The following MTUS2 variants were observed in gnomAD, a reference collection of about 807,000 sequenced individuals.
MTUS2 encodes the protein microtubule associated scaffold protein 2.
In MTUS2, 40 loss-of-function variants were observed where a neutral mutation model predicts 114.1. The ratio of observed to expected loss-of-function variants is 0.35; its 90% CI spans 0.27 to 0.46. The LOEUF (loss-of-function observed/expected upper bound fraction) is 0.46. Ranked by LOEUF, MTUS2 falls within the 20% of genes least tolerant of loss-of-function variation. MTUS2 has a pLI of 1.00. For synonymous variants in MTUS2, 688 were observed against 672.0 expected (o/e 1.02, Z -0.37); for missense variants, 1,679 against 1,705.4 (o/e 0.98, Z 0.27).
chr13:28,998,538 C>G (rs957344091), intron 2 of MTUS2, among the ~76,000 whole-genome samples: 1 of 152,176 alleles, frequency 6.6e-6, no homozygotes, highest in African/African-American at 2.4e-5. Context: ...CAGTCAGACG[C>G]AGATTTGGTC....
At chr13:28,996,450 T>C (rs1391026447) in intron 2 of MTUS2, among the ~76,000 whole-genome samples, 3 of 152,228 alleles carry the variant, frequency 2.0e-5, no homozygotes, top group Non-Finnish European at 4.4e-5. Flanking sequence ...TTTCTATTGA[T>C]TGGAATAGTT....
intron 2 of MTUS2, among the ~76,000 whole-genome samples, chr13:29,006,826 C>T (rs1172976802): frequency 6.6e-6 from 1 of 152,186 alleles, no homozygotes; most frequent in Non-Finnish European, 1.5e-5. Flanking sequence ...ATCTGTGACT[C>T]TCTTCTGATG....
At chr13:28,964,712 G>C (rs1184153850) in intron 2 of MTUS2, among the ~76,000 whole-genome samples, 1 of 71,610 alleles carries the variant, frequency 1.4e-5, no homozygotes, top group Non-Finnish European at 3.3e-5. Flanking sequence ...GTTTCAGTCT[G>C]TCTGAGCTTT....
At chr13:29,384,142 A>G (rs7317357) in intron 8 of MTUS2, among the ~76,000 whole-genome samples, 92,451 of 152,144 alleles carry the variant, frequency 0.61, 29,426 homozygotes, top group East Asian at 0.73. Context: ...TTCTGTGAAT[A>G]TATCTGGAGA....
At chr13:28,860,989 G>A (rs182829679) in intron 2 of MTUS2, among the ~76,000 whole-genome samples, 89 of 152,208 alleles carry the variant, frequency 5.8e-4, no homozygotes, top group Non-Finnish European at 8.8e-4. Context: ...AGTCTGTTAG[G>A]GAATCTTATC....
chr13:28,864,073 G>A (rs1877150881), intron 2 of MTUS2, among the ~76,000 whole-genome samples: 1 of 152,110 alleles, frequency 6.6e-6, no homozygotes, highest in Non-Finnish European at 1.5e-5. Context: ...AGAAGCTGTG[G>A]GCTAGGAATC....
chr13:29,358,716 A>G (rs367705625), intron 7 of MTUS2, among the ~76,000 whole-genome samples: 3 of 152,150 alleles, frequency 2.0e-5, no homozygotes, highest in Admixed American at 6.5e-5. Context: ...CTCACAATAC[A>G]TTGGTGCTAT....
chr13:28,921,567 C>G (rs1881043012), intron 2 of MTUS2, among the ~76,000 whole-genome samples: 1 of 152,146 alleles, frequency 6.6e-6, no homozygotes, highest in African/African-American at 2.4e-5. Context: ...CCCTAGTCTA[C>G]TGTCTCTAAG....
intron 5 of MTUS2, among the ~76,000 whole-genome samples, chr13:29,236,639 G>T (rs1723960198): frequency 6.6e-6 from 1 of 152,242 alleles, no homozygotes; most frequent in Non-Finnish European, 1.5e-5. Context: ...AATGGAAACA[G>T]AAAGGTAATG....
chr13:28,863,455 C>T lies in MTUS2; in HGVS notation c.-243+23605C>T, dbSNP rs118058965. ...AGCCTTGTCAACGTTCTCATATAGC[C>T]CGAGGCTGAGGAATTCTGGCCTTAG... On this transcript the variant is annotated intron_variant, in intron 2 of 15. Coordinates refer to ENST00000612955, the MANE Select transcript of MTUS2 (RefSeq NM_001033602.4). Among the ~76,000 whole-genome samples the T allele has an allele frequency of 2.0e-5, 3 of 152,232 alleles. No individual in the cohort carries two copies. The East Asian group carries it at 5.8e-4, about 29-fold the overall frequency.
At chr13:28,887,261 A>T (rs926103505) in intron 2 of MTUS2, among the ~76,000 whole-genome samples, 6 of 152,114 alleles carry the variant, frequency 3.9e-5, no homozygotes, top group Non-Finnish European at 8.8e-5. Context: ...GTGTATAATC[A>T]TGCTTATTCT....
At chr13:28,943,337 A>G (rs1222867835) in intron 2 of MTUS2, among the ~76,000 whole-genome samples, 1 of 152,192 alleles carries the variant, frequency 6.6e-6, no homozygotes, top group Non-Finnish European at 1.5e-5. Context: ...TGATGGTGAT[A>G]CCAGGAAAAA....
At chr13:29,439,306 G>A (rs1266894628) in intron 8 of MTUS2, among the ~76,000 whole-genome samples, 2 of 152,152 alleles carry the variant, frequency 1.3e-5, no homozygotes, top group Non-Finnish European at 2.9e-5. Flanking sequence ...TTATATCAGA[G>A]GATGTATTTG....
At chr13:29,116,730 TG>T (rs1891104100) in intron 5 of MTUS2, among the ~76,000 whole-genome samples, 1 of 152,150 alleles carries the variant, frequency 6.6e-6, no homozygotes, top group Non-Finnish European at 1.5e-5. Flanking sequence ...ATCACTGAGA[TG>T]GCTATTAAGT....
chr13:29,071,549 C>G (rs1268454304), intron 4 of MTUS2, among the ~76,000 whole-genome samples: 1 of 149,230 alleles, frequency 6.7e-6, no homozygotes, highest in Non-Finnish European at 1.5e-5. Flanking sequence ...GCCTCAGCCT[C>G]CTGAGTAGCT....
At chr13:29,268,228 A>G (rs1264828111) in intron 5 of MTUS2, among the ~76,000 whole-genome samples, 2 of 152,288 alleles carry the variant, frequency 1.3e-5, no homozygotes, top group East Asian at 1.9e-4. Flanking sequence ...TGAGGAAGGG[A>G]CAATAAGCTC....
chr13:28,958,617 C>T (rs1192121688), intron 2 of MTUS2, among the ~76,000 whole-genome samples: 1 of 152,200 alleles, frequency 6.6e-6, no homozygotes, highest in Non-Finnish European at 1.5e-5. Context: ...TGGAAATTCT[C>T]TGGAGGCAGC....
chr13:29,466,694 T>C (rs777761291), intron 9 of MTUS2, among the ~76,000 whole-genome samples: 17 of 151,748 alleles, frequency 1.1e-4, no homozygotes, highest in Non-Finnish European at 1.8e-4. Context: ...ATAGGCAACA[T>C]GGTGAAACCC....
intron 7 of MTUS2, among the ~76,000 whole-genome samples, chr13:29,343,498 G>A (rs970972674): frequency 4.6e-5 from 7 of 151,812 alleles, no homozygotes; most frequent in Admixed American, 3.3e-4. Flanking sequence ...ATCAGTTATA[G>A]TATCTCCTGT....
Sources: allele counts gnomAD v4.1 joint callset (sites outside exome capture counted in the v4.1 genomes callset), GRCh38; gene constraint gnomAD v4.1.1; transcripts MANE v1.5; gene names NCBI Gene and HGNC (gene_info 2026-07-23, HGNC 2026-07-21).